Variants in KCNJ10 observed in about 807,000 individuals in gnomAD.
KCNJ10 encodes ATP-sensitive inward rectifier potassium channel 10.
Under a neutral mutation model 22.2 loss-of-function variants are expected in KCNJ10, and 9 were observed. The ratio of observed to expected loss-of-function variants is 0.40; its 90% CI spans 0.24 to 0.71. The LOEUF is 0.71. Among genes scored for constraint, KCNJ10 ranks in the 30% least tolerant of loss-of-function variants. KCNJ10 has a pLI of 0.35. For missense variants in KCNJ10, 337 were observed against 482.7 expected (o/e 0.70, Z 2.83); for synonymous variants, 184 against 187.3 (o/e 0.98, Z 0.15).
Position 160,037,721 on chromosome 1 carries a change from A to C in KCNJ10, c.*3672T>G, listed in dbSNP as rs1648508748. The C allele has an allele frequency of 6.6e-6, 1 of 152,258 alleles. No individual in the cohort carries two copies. Among genetic ancestry groups the C allele is most frequent in the African/African-American group, 2.4e-5 (1 of 41,456 alleles). The allele number at this position is 152,258 out of a possible 1,614,324, so 9.4% of individuals were successfully genotyped here. A position where few individuals can be genotyped will look rare whatever the true frequency, so the allele number is the denominator to read the frequency against. ...GAACTAGGTTAGCTAGCAAGAATAA[A>C]GGACCAGGGCAGCAGCCATGGAGAG... On this transcript the variant is annotated 3_prime_UTR_variant, in exon 2 of 2. Coordinates refer to ENST00000644903, the MANE Select transcript of KCNJ10 (RefSeq NM_002241.5).
In KCNJ10 at chr1:160,048,316, A is replaced by G. The variant is rs1307214; in HGVS notation, c.1-5784T>C. ...ACCCAGGTTTACACAGGCTTTGCTA[A>G]TGCTGCAGATGCCTACACCCTGTTT... is the stretch of plus-strand genomic sequence containing the variant. On this transcript the variant is annotated intron_variant, in intron 1 of 1. Transcript: ENST00000644903. Among the ~76,000 whole-genome samples, 548 of 150,872 alleles carry G rather than the reference A, an allele frequency of 3.6e-3. 7 individuals are homozygous for G. The highest frequency in any genetic ancestry group is 0.013 in the African/African-American group (516 of 41,028).
rs1649084338 is a variant in KCNJ10 at position 160,058,051 on chromosome 1, A to G, written c.-1+11971T>C. ...GGACCATCCCCATCTTCCCAAACAG[A>G]GAACCTTTTCTGGACTGCTTCTTAA... On this transcript the variant is annotated intron_variant, in intron 1 of 1. Transcript: ENST00000644903. 2.6e-5 allele frequency among the ~76,000 whole-genome samples: 4 copies of G among 152,294 alleles called. No homozygotes were observed. The South Asian group carries it at 8.3e-4, about 32-fold the overall frequency.
chr1:160,068,368 G>A (rs1649375689), intron 1 of KCNJ10, among the ~76,000 whole-genome samples: 1 of 152,110 alleles, frequency 6.6e-6, no homozygotes, highest in African/African-American at 2.4e-5. Context: ...TGGGGGGTGG[G>A]GGGATGGCTC....
In KCNJ10 at chr1:160,040,785, G is replaced by C; in HGVS notation, c.*608C>G. 1 of 397,682 alleles carries C rather than the reference G, an allele frequency of 2.5e-6. No homozygotes were observed. Among genetic ancestry groups the C allele is most frequent in the Middle Eastern group, 6.5e-4 (1 of 1,540 alleles). 24.6% of individuals were successfully genotyped at this position (397,682 alleles called of 1,614,324 possible). A position where few individuals can be genotyped will look rare whatever the true frequency, so the allele number is the denominator to read the frequency against. ...GAGAGTGTTCACTTGAGAAACTACAGAGGGAAAACAGTGGCGACCATGGTT... is the reference window on the plus strand; with the variant it reads ...GAGAGTGTTCACTTGAGAAACTACACAGGGAAAACAGTGGCGACCATGGTT... On this transcript the variant is annotated 3_prime_UTR_variant, in exon 2 of 2. Coordinates refer to ENST00000644903, the MANE Select transcript of KCNJ10 (RefSeq NM_002241.5).
intron 1 of KCNJ10, chr1:160,044,822 C>G (rs144378559): frequency 6.6e-6 from 1 of 151,792 alleles, no homozygotes; most frequent in African/African-American, 2.4e-5. Context: ...CAAAACCATC[C>G]TGGGAAACAG....
At chr1:160,061,574 G>A (rs1234113407) in intron 1 of KCNJ10, among the ~76,000 whole-genome samples, 6 of 151,976 alleles carry the variant, frequency 3.9e-5, no homozygotes, top group African/African-American at 1.5e-4. Flanking sequence ...CATGGTTAAC[G>A]TATAAGCAGG....
At chr1:160,046,827 C>T (rs754994871) in intron 1 of KCNJ10, among the ~76,000 whole-genome samples, 4 of 152,192 alleles carry the variant, frequency 2.6e-5, no homozygotes, top group African/African-American at 4.8e-5. Flanking sequence ...CCCCACCACC[C>T]CGGGGCACCC....
intron 1 of KCNJ10, among the ~76,000 whole-genome samples, chr1:160,056,386 G>C (rs1649036755): frequency 6.6e-6 from 1 of 152,164 alleles, no homozygotes; most frequent in African/African-American, 2.4e-5. Context: ...TCCCTGTGCA[G>C]CCCATATTCT....
Position 160,039,743 on chromosome 1 carries a change from G to A in KCNJ10, c.*1650C>T, listed in dbSNP as rs1648561062. 6.6e-6 allele frequency: 1 copy of A among 152,226 alleles called. No homozygotes were observed. The highest frequency in any genetic ancestry group is 1.5e-5 in the Non-Finnish European group (1 of 68,062). The allele number at this position is 152,226 out of a possible 1,614,324, so 9.4% of individuals were successfully genotyped here. A position where few individuals can be genotyped will look rare whatever the true frequency, so the allele number is the denominator to read the frequency against. On this transcript the variant is annotated 3_prime_UTR_variant, in exon 2 of 2. Coordinates refer to ENST00000644903, the MANE Select transcript of KCNJ10 (RefSeq NM_002241.5). ...GTTTCTCTGCAAGGCTCTGTACATA[G>A]ATGCATGTATATATTCTGTAGCTTG...
intron 1 of KCNJ10, among the ~76,000 whole-genome samples, chr1:160,064,502 C>T (rs562499266): frequency 7.4e-4 from 112 of 152,262 alleles, no homozygotes; most frequent in Non-Finnish European, 1.2e-3. Flanking sequence ...ATTAAAAATA[C>T]GTCATTTTGT....
Position 160,037,750 on chromosome 1 carries a change from A to G in KCNJ10, c.*3643T>C, listed in dbSNP as rs1648509811. The G allele has an allele frequency of 6.6e-6, 1 of 152,274 alleles. No individual in the cohort carries two copies. Among genetic ancestry groups the G allele is most frequent in the East Asian group, 1.9e-4 (1 of 5,198 alleles). The allele number at this position is 152,274 out of a possible 1,614,324, so 9.4% of individuals were successfully genotyped here. On this transcript the variant is annotated 3_prime_UTR_variant, in exon 2 of 2. Coordinates refer to ENST00000644903, the MANE Select transcript of KCNJ10 (RefSeq NM_002241.5). Reference sequence around the variant, plus strand: ...CCAGGGCAGCAGCCATGGAGAGGGCACAGTGTCCTGGACTTGTAGCAATAG... The same window carrying G: ...CCAGGGCAGCAGCCATGGAGAGGGCGCAGTGTCCTGGACTTGTAGCAATAG...
chr1:160,047,632 T>C (rs1259367425), intron 1 of KCNJ10, among the ~76,000 whole-genome samples: 2 of 152,188 alleles, frequency 1.3e-5, no homozygotes, highest in Non-Finnish European at 2.9e-5. Flanking sequence ...CTTTGACGCC[T>C]TCCCTGACTC....
intron 1 of KCNJ10, 51 bp downstream of exon 1, chr1:160,069,971 A>T (rs1431584507): frequency 6.6e-6 from 1 of 152,638 alleles, no homozygotes; most frequent in Non-Finnish European, 1.5e-5. Context: ...AGTTAGGGGG[A>T]CAGGACCCGG....
chr1:160,063,240 A>G (rs955690138), intron 1 of KCNJ10, among the ~76,000 whole-genome samples: 2 of 152,196 alleles, frequency 1.3e-5, no homozygotes, highest in Non-Finnish European at 2.9e-5. Context: ...GTGCCTCAGC[A>G]CAAAGGGCAG....
rs554749579 is a variant in KCNJ10, at chr1:160,041,828, A to G, written c.705T>C (p.Asn235=). The change falls in exon 2 of 2, where the codon AAT becomes AAC. Residue 235 remains asparagine, a synonymous_variant. Coordinates refer to ENST00000644903, the MANE Select transcript of KCNJ10 (RefSeq NM_002241.5). This position sits in a 1 kb window ranked among gnomAD's most constrained non-coding sequence, Gnocchi z 4.4. ...AGGCTGTGTCTACTTGGAAAGTCAC[A>G]TTGACCTGGTTGAGCCGGATGTTCT... ...EGENIRLNQV[N]VTFQVDTASD... 4.0e-5 allele frequency: 64 copies of G among 1,614,228 alleles called. No homozygotes were observed. The highest frequency in any genetic ancestry group is 5.0e-5 in the Non-Finnish European group (59 of 1,180,034).
chr1:160,050,990 C>T (rs1648888186), intron 1 of KCNJ10, among the ~76,000 whole-genome samples: 1 of 152,070 alleles, frequency 6.6e-6, no homozygotes, highest in African/African-American at 2.4e-5. Context: ...TGTCTCCAGG[C>T]TGGAGTGCAG....
rs1177263319 is a variant in KCNJ10, at chr1:160,041,979, G to T, written c.554C>A (p.Ala185Glu). Residue 185 changes from alanine (A) to glutamate (E), a missense_variant, in exon 2 of 2, where the codon GCA becomes GAA. Coordinates refer to ENST00000644903, the MANE Select transcript of KCNJ10 (RefSeq NM_002241.5). This position sits in a 1 kb window ranked among gnomAD's most constrained non-coding sequence, Gnocchi z 4.4. ...CTTGCCATTGTGGGAGGCCACAACT[G>T]CATGCTGGCTGAAACGAATGGTCTC... ...RAETIRFSQH[A>E]VVASHNGKPC... 1 of 1,597,300 alleles carries T rather than the reference G, an allele frequency of 6.3e-7. No individual in the cohort carries two copies. The highest frequency in any genetic ancestry group is 8.5e-7 in the Non-Finnish European group (1 of 1,170,172).
chr1:160,042,422 G>GC lies in KCNJ10; in HGVS notation c.110dup (p.Ser37ArgfsTer25). ...CGGCAATGTGCTCCATTCTCACGTT[G>GC]CTGCGACCATCTTTTGTCAGGACTC... On this transcript the variant is annotated frameshift_variant, in exon 2 of 2. Transcript: ENST00000644903. LOFTEE classifies it high-confidence loss of function. 6.2e-7 allele frequency: 1 copy of GC among 1,614,204 alleles called. No individual in the cohort carries two copies. Among genetic ancestry groups the GC allele is most frequent in the Non-Finnish European group, 8.5e-7 (1 of 1,180,038 alleles).
chr1:160,042,221 G>A lies in KCNJ10; in HGVS notation c.312C>T (p.Asn104=), dbSNP rs753009348. 2.5e-6 allele frequency: 4 copies of A among 1,613,740 alleles called. No individual in the cohort carries two copies. The part of the protein sequence containing the change: ...GDLLELDPPA[N]HTPCVVQVHT... The stretch of plus-strand genomic sequence containing the variant: ...GCACCTGTACCACACAGGGGGTGTG[G>A]TTGGCCGGGGGGTCCAGCTCCAGCA... The change falls in exon 2 of 2, where the codon AAC becomes AAT. Residue 104 remains asparagine, a synonymous_variant. Coordinates refer to ENST00000644903, the MANE Select transcript of KCNJ10 (RefSeq NM_002241.5).
Sources: gnomAD v4.1 joint callset for allele counts (sites outside exome capture counted in the v4.1 genomes callset) on GRCh38, gnomAD v4.1.1 for gene constraint, Gnocchi (gnomAD v3.1) non-coding constraint, MANE v1.5 for transcripts, NCBI Gene and HGNC (gene_info 2026-07-23, HGNC 2026-07-21) for gene names.